Variants in WDR41 observed in about 807,000 individuals in gnomAD.
WDR41 encodes the protein WD repeat-containing protein 41.
Under a neutral mutation model 69.3 loss-of-function variants are expected in WDR41, and 63 were observed. The ratio of observed to expected loss-of-function variants is 0.91; its 90% confidence interval spans 0.74 to 1.12. The LOEUF (loss-of-function observed/expected upper bound fraction) is 1.12. WDR41 is among the 50% of genes most tolerant of loss of function. WDR41 has a pLI of 0.00. For missense variants in WDR41, 543 were observed against 534.5 expected (o/e 1.02, Z -0.16); for synonymous variants, 185 against 192.1 (o/e 0.96, Z 0.31).
rs765110488 is a variant in WDR41, at chr5:77,433,132, A to AAGG, written c.*2_*3insCCT. 5.8e-5 allele frequency: 94 copies of AAGG among 1,609,622 alleles called. No individual in the cohort carries two copies. Among genetic ancestry groups the AAGG allele is most frequent in the Non-Finnish European group, 7.5e-5 (88 of 1,178,434 alleles). On this transcript the variant is annotated 3_prime_UTR_variant, in exon 13 of 13. Coordinates refer to ENST00000296679, the MANE Select transcript of WDR41 (RefSeq NM_018268.4). ...CATGCATGTGTATTTTTAATTCCTT[A>AAGG]AACTAGACAGCAAGGTATAAGTCAC...
chr5:77,469,054 T>C (rs1800435186), intron 2 of WDR41, among the ~76,000 whole-genome samples: 3 of 152,184 alleles, frequency 2.0e-5, no homozygotes, highest in Non-Finnish European at 2.9e-5. Context: ...TGGAATACTA[T>C]GCAGCCATAA....
intron 7 of WDR41, among the ~76,000 whole-genome samples, 160 bp from the exon 8 acceptor site, chr5:77,450,030 C>T (rs1281368853): frequency 6.6e-6 from 1 of 152,184 alleles, no homozygotes; most frequent in Non-Finnish European, 1.5e-5. Flanking sequence ...TAAACTATTT[C>T]TTTCAAATGC....
chr5:77,438,475 G>C, intron 9 of WDR41, 114 bp from the exon 10 acceptor site: 1 of 1,419,340 alleles, frequency 7.0e-7, no homozygotes, highest in Non-Finnish European at 9.4e-7. Flanking sequence ...CCCATTCCTA[G>C]CCTTTAGCCC....
chr5:77,539,198 A>T (rs1409441633), intron 1 of WDR41, among the ~76,000 whole-genome samples: 3 of 152,118 alleles, frequency 2.0e-5, no homozygotes, highest in African/African-American at 7.2e-5. Flanking sequence ...CACACTGGGG[A>T]TAAGGGTTTC....
chr5:77,441,339 G>A (rs1400758917), intron 8 of WDR41, among the ~76,000 whole-genome samples: 16 of 152,278 alleles, frequency 1.1e-4, no homozygotes, highest in East Asian at 1.9e-4. Flanking sequence ...ATGAAAGTTA[G>A]TTAAAGGATG....
chr5:77,553,805 A>T (rs1054333792), intron 1 of WDR41, among the ~76,000 whole-genome samples: 18 of 152,222 alleles, frequency 1.2e-4, no homozygotes, highest in African/African-American at 4.3e-4. Context: ...GCTGGCAAGG[A>T]TGCAGAGAAA....
chr5:77,498,790 G>T (rs975978034), intron 1 of WDR41, among the ~76,000 whole-genome samples: 3 of 149,230 alleles, frequency 2.0e-5, no homozygotes, highest in Admixed American at 6.7e-5. Context: ...CTGTACTTCA[G>T]CCTGGGTGAC....
intron 1 of WDR41, among the ~76,000 whole-genome samples, chr5:77,614,849 A>C (rs951154100): frequency 6.6e-6 from 1 of 152,102 alleles, no homozygotes; most frequent in Admixed American, 6.5e-5. Flanking sequence ...ATAAAGGAAC[A>C]AGTTAAATGA....
At chr5:77,453,664 C>A in intron 6 of WDR41, 153 bp downstream of exon 6, 1 of 616,034 alleles carries the variant, frequency 1.6e-6, no homozygotes, top group Non-Finnish European at 2.9e-6. Flanking sequence ...TACACAACCC[C>A]GATCTGAATT....
At chr5:77,528,255 A>C (rs953731405) in intron 1 of WDR41, among the ~76,000 whole-genome samples, 3 of 151,786 alleles carry the variant, frequency 2.0e-5, no homozygotes, top group African/African-American at 7.2e-5. Flanking sequence ...CTATTAAAAC[A>C]ATATTAAGAG....
At chr5:77,499,768 T>C (rs1294786608) in intron 1 of WDR41, 1 of 152,200 alleles carries the variant, frequency 6.6e-6, no homozygotes, top group Non-Finnish European at 1.5e-5. Context: ...ACCTTCCTTA[T>C]CTTCATATGC....
At position 77,491,163 on chromosome 5, in the gene WDR41, G is replaced by A. The variant is rs146886947; in HGVS notation, c.51+1007C>T. The A allele has an allele frequency of 5.8e-3, 2,347 of 402,186 alleles. 14 individuals are homozygous for A. The highest frequency in any genetic ancestry group is 9.1e-3 in the Non-Finnish European group (1,796 of 198,414). 24.9% of individuals were successfully genotyped at this position (402,186 alleles called of 1,614,324 possible). A position where few individuals can be genotyped will look rare whatever the true frequency, so the allele number is the denominator to read the frequency against. ...ACATTCCACCACAAAAGTGAAAATG[G>A]CCGGTCCTCGCCTTAAGTGATGACA... On this transcript the variant is annotated intron_variant, in intron 1 of 12. Coordinates refer to ENST00000296679, the MANE Select transcript of WDR41 (RefSeq NM_018268.4).
At chr5:77,454,838 CCAGT>C (rs1343847817) in intron 5 of WDR41, among the ~76,000 whole-genome samples, 1 of 152,068 alleles carries the variant, frequency 6.6e-6, no homozygotes, top group Non-Finnish European at 1.5e-5. Flanking sequence ...ATTTTTAATG[CCAGT>C]GTTTCATTTC....
intron 1 of WDR41, among the ~76,000 whole-genome samples, chr5:77,512,365 T>TA (rs1802219795): frequency 8.3e-6 from 1 of 120,950 alleles, no homozygotes; most frequent in Non-Finnish European, 1.7e-5. Flanking sequence ...AGTGTGTGTG[T>TA]GTGTGTGTGT....
chr5:77,434,320 AAAC>A (rs944589177), intron 12 of WDR41, among the ~76,000 whole-genome samples: 39 of 152,096 alleles, frequency 2.6e-4, no homozygotes, highest in Non-Finnish European at 4.4e-4. Flanking sequence ...TCGGGAAAAA[AAAC>A]AAGAGTTTTC....
chr5:77,461,223 C>G (rs1007723567), intron 4 of WDR41, among the ~76,000 whole-genome samples: 4 of 152,208 alleles, frequency 2.6e-5, no homozygotes, highest in Non-Finnish European at 5.9e-5. Context: ...TAAAGCAACT[C>G]TGACCTAACC....
Position 77,573,328 on chromosome 5 carries a change from G to A in WDR41, c.42+47151C>T, listed in dbSNP as rs553536705. ...ATACATGTGCTGAATGTGCAGGTTTGTTACATAGGTATACATGTGCCGTGG... is the reference window on the plus strand; with the variant it reads ...ATACATGTGCTGAATGTGCAGGTTTATTACATAGGTATACATGTGCCGTGG... On this transcript the variant is annotated intron_variant, in intron 1 of 5. Transcript: ENST00000509971. Among the ~76,000 whole-genome samples, 4 of 151,480 alleles carry A rather than the reference G, an allele frequency of 2.6e-5. No homozygotes were observed. The South Asian group carries it at 8.4e-4, about 32-fold the overall frequency.
chr5:77,531,590 T>G (rs769405729), intron 1 of WDR41, among the ~76,000 whole-genome samples: 3 of 151,934 alleles, frequency 2.0e-5, no homozygotes, highest in Non-Finnish European at 2.9e-5. Context: ...TGGTGGTTCC[T>G]TAGAAAGTTA....
chr5:77,566,778 G>C (rs1394972821), intron 1 of WDR41, among the ~76,000 whole-genome samples: 1 of 152,130 alleles, frequency 6.6e-6, no homozygotes, highest in African/African-American at 2.4e-5. Flanking sequence ...ACACAGACCT[G>C]CTATGCCTCA....
Sources: allele counts gnomAD v4.1 joint callset (sites outside exome capture counted in the v4.1 genomes callset), GRCh38; gene constraint gnomAD v4.1.1; transcripts MANE v1.5; gene names NCBI Gene and HGNC (gene_info 2026-07-23, HGNC 2026-07-21).